Variants in JMJD1C observed in about 807,000 individuals in gnomAD.
The protein encoded by JMJD1C is jumonji domain containing 1C.
A neutral mutation model predicts 245.3 loss-of-function variants in JMJD1C; 31 were observed. The observed-to-expected ratio is 0.13, with a 90% CI of 0.09 to 0.17. The LOEUF is 0.17. Ranked by LOEUF, JMJD1C falls within the 10% of genes least tolerant of loss-of-function variation. The pLI, the probability that JMJD1C is intolerant of heterozygous loss-of-function variation, is 1.00. For missense variants in JMJD1C, 2,691 were observed against 3,000.2 expected (o/e 0.90, Z 2.41); for synonymous variants, 1,057 against 1,017.4 (o/e 1.04, Z -0.74).
intron 1 of JMJD1C, among the ~76,000 whole-genome samples, chr10:63,419,733 G>T (rs181944003): frequency 1.3e-5 from 2 of 151,138 alleles, no homozygotes; most frequent in Admixed American, 1.3e-4. Context: ...AGTAATCAAG[G>T]TGGCTTAGAA....
chr10:63,414,282 G>A (rs778492817), intron 1 of JMJD1C, among the ~76,000 whole-genome samples: 15 of 152,100 alleles, frequency 9.9e-5, no homozygotes, highest in Non-Finnish European at 1.3e-4. Context: ...CACGCACCCA[G>A]CCAATACTGT....
chr10:63,206,373 C>T (rs1240425090), intron 10 of JMJD1C, among the ~76,000 whole-genome samples: 1 of 152,176 alleles, frequency 6.6e-6, no homozygotes, highest in Non-Finnish European at 1.5e-5. Context: ...TATATTTCTA[C>T]AAGTCTTTTA....
chr10:63,308,983 G>T (rs1040725302), intron 2 of JMJD1C, among the ~76,000 whole-genome samples: 1 of 152,130 alleles, frequency 6.6e-6, no homozygotes, highest in African/African-American at 2.4e-5. Flanking sequence ...TCAGAAAACA[G>T]AATGGCAGAA....
intron 3 of JMJD1C, among the ~76,000 whole-genome samples, chr10:63,230,483 A>G (rs1311436226): frequency 6.6e-6 from 1 of 152,206 alleles, no homozygotes; most frequent in East Asian, 1.9e-4. Flanking sequence ...ATTAACTTGT[A>G]TAATATGCAG....
chr10:63,260,700 C>T (rs1161876644), intron 3 of JMJD1C, among the ~76,000 whole-genome samples: 1 of 152,094 alleles, frequency 6.6e-6, no homozygotes, highest in African/African-American at 2.4e-5. Flanking sequence ...AGCGATTCTC[C>T]TGCTTCAGCC....
chr10:63,492,659 A>G (rs1954214100), intron 1 of JMJD1C, among the ~76,000 whole-genome samples: 1 of 152,212 alleles, frequency 6.6e-6, no homozygotes, highest in Admixed American at 6.5e-5. Flanking sequence ...TGGCTGACAG[A>G]GTGAGGCTCT....
chr10:63,367,409 G>A (rs1317574154), intron 2 of JMJD1C, among the ~76,000 whole-genome samples: 1 of 152,014 alleles, frequency 6.6e-6, no homozygotes, highest in Non-Finnish European at 1.5e-5. Flanking sequence ...ACCATGCCTG[G>A]CTAATTTTGT....
chr10:63,389,329 G>A (rs9414801), intron 1 of JMJD1C, among the ~76,000 whole-genome samples: 73,956 of 134,312 alleles, frequency 0.55, 21,022 homozygotes, highest in East Asian at 0.66. Flanking sequence ...AAAAAAAAAA[G>A]AAAAAGAAAA....
chr10:63,168,585 C>T lies in JMJD1C; in HGVS notation c.7402-19G>A, dbSNP rs1269051995. Reference sequence around the variant, plus strand: ...TCTGAACCTATCCCCAAAAGAAAAACCGTGAAATACAAGTTTTAGGAGGTG... The same window carrying T: ...TCTGAACCTATCCCCAAAAGAAAAATCGTGAAATACAAGTTTTAGGAGGTG... On this transcript the variant is annotated intron_variant, in intron 24 of 25. Coordinates refer to ENST00000399262, the MANE Select transcript of JMJD1C (RefSeq NM_032776.3). 6.5e-7 allele frequency: 1 copy of T among 1,549,402 alleles called. No homozygotes were observed. The highest frequency in any genetic ancestry group is 8.7e-7 in the Non-Finnish European group (1 of 1,155,010).
At chr10:63,212,190 T>A (rs180876743) in intron 8 of JMJD1C, among the ~76,000 whole-genome samples, 1 of 152,302 alleles carries the variant, frequency 6.6e-6, no homozygotes. Flanking sequence ...TAGTGTTTAA[T>A]GGCTATAGTT....
chr10:63,442,477 T>C (rs889622967), intron 1 of JMJD1C, among the ~76,000 whole-genome samples: 6 of 152,352 alleles, frequency 3.9e-5, no homozygotes, highest in African/African-American at 1.4e-4. Context: ...CTTAGGTCAT[T>C]ATATCATCTG....
chr10:63,383,166 G>A (rs1463405110), intron 1 of JMJD1C, among the ~76,000 whole-genome samples: 1 of 150,566 alleles, frequency 6.6e-6, no homozygotes, highest in Non-Finnish European at 1.5e-5. Context: ...CTGGTAAAAG[G>A]TTAAGTTTGA....
intron 3 of JMJD1C, among the ~76,000 whole-genome samples, chr10:63,244,720 C>T (rs899043967): frequency 2.0e-5 from 3 of 149,406 alleles, no homozygotes; most frequent in Middle Eastern, 3.5e-3. Flanking sequence ...GCGCACCTAT[C>T]GTCCTCAAGA....
chr10:63,291,874 T>A (rs1858766369), intron 2 of JMJD1C, among the ~76,000 whole-genome samples: 1 of 152,156 alleles, frequency 6.6e-6, no homozygotes, highest in Admixed American at 6.5e-5. Context: ...TTTCTTTGGG[T>A]GGGGGAGGTT....
intron 2 of JMJD1C, among the ~76,000 whole-genome samples, chr10:63,351,530 A>C (rs1236931953): frequency 6.6e-6 from 1 of 152,204 alleles, no homozygotes; most frequent in African/African-American, 2.4e-5. Flanking sequence ...GGTCGTATGA[A>C]AAAAGCTGGA....
rs1386141323 is a variant in JMJD1C, at chr10:63,208,594, A to G, written c.3075T>C (p.Ile1025=). The G allele has an allele frequency of 6.2e-7, 1 of 1,614,056 alleles. No homozygotes were observed. Among genetic ancestry groups the G allele is most frequent in the Non-Finnish European group, 8.5e-7 (1 of 1,179,938 alleles). ...GAGCAACATCAATACTTTCTTGAAG[A>G]ATTCGACGGTGTTCCTCTTTGTATT... The part of the protein sequence containing the change: ...LNKYKEEHRR[I]LQESIDVAPF... Residue 1025 remains isoleucine, a synonymous_variant, in exon 10 of 26, where the codon ATT becomes ATC. Coordinates refer to ENST00000399262, the MANE Select transcript of JMJD1C (RefSeq NM_032776.3).
At chr10:63,422,623 T>G (rs1183001877) in intron 1 of JMJD1C, among the ~76,000 whole-genome samples, 1 of 152,224 alleles carries the variant, frequency 6.6e-6, no homozygotes, top group East Asian at 1.9e-4. Context: ...TCAATGAACA[T>G]TAAACGTACT....
chr10:63,245,322 C>T (rs749265429), intron 3 of JMJD1C, among the ~76,000 whole-genome samples: 7 of 151,518 alleles, frequency 4.6e-5, no homozygotes, highest in African/African-American at 1.5e-4. Flanking sequence ...AAAGATATAC[C>T]CCAGACTGGG....
chr10:63,261,933 A>C (rs1433542727), intron 3 of JMJD1C, among the ~76,000 whole-genome samples: 7 of 152,212 alleles, frequency 4.6e-5, no homozygotes, highest in Admixed American at 2.0e-4. Flanking sequence ...ACATGTACCT[A>C]CCACTCTAGA....
Sources: gnomAD v4.1 joint callset for allele counts (sites outside exome capture counted in the v4.1 genomes callset) on GRCh38, gnomAD v4.1.1 for gene constraint, MANE v1.5 for transcripts, NCBI Gene and HGNC (gene_info 2026-07-23, HGNC 2026-07-21) for gene names.